The following JMY variants were observed in gnomAD, a reference collection of about 807,000 sequenced individuals.
JMY encodes junction mediating and regulatory protein, p53 cofactor.
JMY carries 46 observed loss-of-function variants against 103.3 expected under a neutral mutation model. The ratio of observed to expected loss-of-function variants is 0.45; its 90% CI spans 0.35 to 0.57. JMY has a LOEUF of 0.57. Among genes scored for constraint, JMY ranks in the 20% least tolerant of loss-of-function variants. The probability of loss-of-function intolerance (pLI) is 0.00; values close to 1 mark genes in which losing one functional copy is unlikely to be tolerated. For synonymous variants in JMY, 526 were observed against 489.3 expected (o/e 1.07, Z -0.99); for missense variants, 1,238 against 1,255.2 (o/e 0.99, Z 0.21).
In JMY at chr5:79,324,336, C is replaced by T. The variant is rs956360646; in HGVS notation, c.*2734C>T. On this transcript the variant is annotated 3_prime_UTR_variant, in exon 11 of 11. Transcript: ENST00000396137. ...CTCACATTTCCAGTTCCAAACTCGC[C>T]CGTACTTTTTATGTGCTTCAAAATA... is the stretch of plus-strand genomic sequence containing the variant. The T allele has an allele frequency of 3.9e-5, 6 of 152,064 alleles. No homozygotes were observed. Among genetic ancestry groups the T allele is most frequent in the African/African-American group, 9.7e-5 (4 of 41,390 alleles). 9.4% of individuals were successfully genotyped at this position (152,064 alleles called of 1,614,324 possible).
At position 79,314,637 on chromosome 5, in the gene JMY, A is replaced by ACCCCCCCCC; in HGVS notation, c.2447_2448insCCCCCCCCC (p.Pro823_Pro825dup). 4 of 396,666 alleles carry ACCCCCCCCC rather than the reference A, an allele frequency of 1.0e-5. No individual in the cohort carries two copies. The highest frequency in any genetic ancestry group is 2.8e-5 in the South Asian group (1 of 36,204). 24.6% of individuals were successfully genotyped at this position (396,666 alleles called of 1,614,324 possible). The stretch of plus-strand genomic sequence containing the variant: ...TTCCTCCAACACCACCACCTCCCCC[A>ACCCCCCCCC]CCTCCTCCCCCTCCCCCACCACCAC... On this transcript the variant is annotated inframe_insertion, in exon 9 of 11. Coordinates refer to ENST00000396137, the MANE Select transcript of JMY (RefSeq NM_152405.5).
At chr5:79,297,816 C>T (rs1446511524) in intron 4 of JMY, among the ~76,000 whole-genome samples, 2 of 152,154 alleles carry the variant, frequency 1.3e-5, no homozygotes, top group Admixed American at 6.5e-5. Flanking sequence ...GGCAAATCCA[C>T]GTCTGGACTC....
chr5:79,312,578 CTTTGTGG>C, intron 8 of JMY, 80 bp downstream of exon 8: 1 of 655,082 alleles, frequency 1.5e-6, no homozygotes, highest in Admixed American at 3.5e-5. Flanking sequence ...TGTAGGATTT[CTTTGTGG>C]GAAAAACTTG....
rs2112106849 is a variant in JMY, at chr5:79,300,169, G to T, written c.1544G>T (p.Gly515Val). ...ALKEEMQSLR[G>V]GTEAIARLDQ... ...TCAATGCAGATGCAGAGTTTGCGGG[G>T]TGGTACAGAAGCGATAGCACGATTG... Residue 515 changes from glycine to valine, a missense_variant, in exon 5 of 11, where the codon GGT becomes GTT. By Grantham distance (109) the Gly-to-Val change is moderately radical (BLOSUM62 -3). Coordinates refer to ENST00000396137, the MANE Select transcript of JMY (RefSeq NM_152405.5). The T allele has an allele frequency of 6.2e-7, 1 of 1,613,046 alleles. No homozygotes were observed. The highest frequency in any genetic ancestry group is 8.5e-7 in the Non-Finnish European group (1 of 1,179,532).
At chr5:79,313,631 C>T (rs892458045) in intron 8 of JMY, among the ~76,000 whole-genome samples, 2 of 152,130 alleles carry the variant, frequency 1.3e-5, no homozygotes, top group South Asian at 2.1e-4. Context: ...TTTTGCATAC[C>T]AGTAGCATTT....
At chr5:79,276,258 A>G (rs1466014411) in intron 1 of JMY, among the ~76,000 whole-genome samples, 1 of 151,596 alleles carries the variant, frequency 6.6e-6, no homozygotes, top group Non-Finnish European at 1.5e-5. Context: ...AGCTGGGATT[A>G]TGGGTGTGTG....
chr5:79,269,264 T>C (rs1745673137), intron 1 of JMY, among the ~76,000 whole-genome samples: 1 of 152,190 alleles, frequency 6.6e-6, no homozygotes. Context: ...TGTATTTGTG[T>C]GGATTTATTT....
chr5:79,265,176 G>C (rs922790334), intron 1 of JMY, among the ~76,000 whole-genome samples: 1 of 152,014 alleles, frequency 6.6e-6, no homozygotes, highest in Non-Finnish European at 1.5e-5. Flanking sequence ...CGCCCGCCTT[G>C]GCCTCCCAAA....
Position 79,237,256 on chromosome 5 carries a change from C to T in JMY, c.606C>T (p.Asp202=). The T allele has an allele frequency of 1.9e-6, 3 of 1,551,140 alleles. No individual in the cohort carries two copies. The highest frequency in any genetic ancestry group is 2.6e-6 in the Non-Finnish European group (3 of 1,147,166). ...AGGTGCTGGAAATGGTGAAGGAGGA[C>T]GAGGCACCTCTGGCGCTCTCGGACG... ...EIEVLEMVKE[D]EAPLALSDAE... The change falls in exon 1 of 11, where the codon GAC becomes GAT. Residue 202 remains aspartate, a synonymous_variant. Transcript: ENST00000396137.
intron 1 of JMY, among the ~76,000 whole-genome samples, chr5:79,239,843 A>AAAAGCG (rs1744679538): frequency 6.6e-6 from 1 of 151,566 alleles, no homozygotes; most frequent in Admixed American, 6.6e-5. Flanking sequence ...GAAAAAGAGA[A>AAAAGCG]AAAGCGACTA....
At chr5:79,284,606 G>A in intron 2 of JMY, 1 of 1,543,830 alleles carries the variant, frequency 6.5e-7, no homozygotes, top group South Asian at 1.1e-5. Context: ...TTTGTCACAG[G>A]TAAGATCCAT....
intron 1 of JMY, among the ~76,000 whole-genome samples, chr5:79,253,878 G>T (rs1337879318): frequency 1.3e-5 from 2 of 151,662 alleles, no homozygotes; most frequent in Non-Finnish European, 2.9e-5. Context: ...TGTTGCCCAG[G>T]CTGGTCTCGA....
At chr5:79,247,029 A>G (rs1297953026) in intron 1 of JMY, among the ~76,000 whole-genome samples, 2 of 152,230 alleles carry the variant, frequency 1.3e-5, no homozygotes, top group African/African-American at 2.4e-5. Flanking sequence ...ATTTGCCTAC[A>G]TAACGTATCT....
intron 4 of JMY, among the ~76,000 whole-genome samples, chr5:79,298,605 T>TA (rs1199108011): frequency 6.6e-6 from 1 of 152,242 alleles, no homozygotes; most frequent in Non-Finnish European, 1.5e-5. Context: ...ACCCATAAAA[T>TA]ATTTCCTAAC....
chr5:79,236,845 A>AG lies in JMY; in HGVS notation c.200dup (p.Ala68ArgfsTer33). ...GCTCCCGGGAGCAAGCGGGGGCGCGAGGGGGCGCCGAGGCCGGCGGAGCTG... is the reference window on the plus strand; with the variant it reads ...GCTCCCGGGAGCAAGCGGGGGCGCGAGGGGGGCGCCGAGGCCGGCGGAGCTG... On this transcript the variant is annotated frameshift_variant, in exon 1 of 11. Coordinates refer to ENST00000396137, the MANE Select transcript of JMY (RefSeq NM_152405.5). LOFTEE classifies it high-confidence loss of function. 1.4e-6 allele frequency: 2 copies of AG among 1,449,518 alleles called. No individual in the cohort carries two copies. Among genetic ancestry groups the AG allele is most frequent in the Admixed American group, 2.5e-5 (1 of 40,590 alleles). The allele number at this position is 1,449,518 out of a possible 1,614,324, so 89.8% of individuals were successfully genotyped here.
chr5:79,307,088 T>C (rs1404852212), intron 7 of JMY, among the ~76,000 whole-genome samples: 3 of 152,114 alleles, frequency 2.0e-5, no homozygotes, highest in East Asian at 1.9e-4. Context: ...GCTTGATAGC[T>C]CATTTTAACA....
intron 8 of JMY, 119 bp downstream of exon 8, chr5:79,312,617 A>T: frequency 2.2e-6 from 1 of 464,776 alleles, no homozygotes. Flanking sequence ...TTTATAAACT[A>T]TTATAACCAT....
chr5:79,314,569 C>T lies in JMY; in HGVS notation c.2377C>T (p.Leu793Phe). Residue 793 changes from leucine (L) to phenylalanine (F), a missense_variant, in exon 9 of 11, where the codon CTC (leucine) becomes TTC (phenylalanine). Leu to Phe is a conservative substitution (Grantham distance 22). Transcript: ENST00000396137. Reference protein sequence around the residue: ...TISLPLLNNNLEPCSVTINPL... With the variant: ...TISLPLLNNNFEPCSVTINPL... ...ATCTCTTCCACTTTTGAATAACAAC[C>T]TCGAACCATGTTCTGTTACCATAAA... The T allele has an allele frequency of 6.2e-7, 1 of 1,614,140 alleles. No individual in the cohort carries two copies. The highest frequency in any genetic ancestry group is 8.5e-7 in the Non-Finnish European group (1 of 1,180,020).
At chr5:79,318,577 TCAC>T (rs1355376916) in intron 10 of JMY, among the ~76,000 whole-genome samples, 1 of 152,136 alleles carries the variant, frequency 6.6e-6, no homozygotes, top group Admixed American at 6.6e-5. Context: ...AATATTACAT[TCAC>T]CATGATTCAG....
Sources: allele counts gnomAD v4.1 joint callset (sites outside exome capture counted in the v4.1 genomes callset), GRCh38; gene constraint gnomAD v4.1.1; transcripts MANE v1.5; gene names NCBI Gene and HGNC (gene_info 2026-07-23, HGNC 2026-07-21).